Variants in MAP3K8 observed in about 807,000 individuals in gnomAD.
MAP3K8 encodes the protein mitogen-activated protein kinase kinase kinase 8, also known as Ewing sarcoma transformant.
Under a neutral mutation model 45.8 loss-of-function variants are expected in MAP3K8, and 22 were observed. The observed-to-expected ratio is 0.48, with a 90% CI of 0.34 to 0.69. The LOEUF (loss-of-function observed/expected upper bound fraction) is 0.69. Among genes scored for constraint, MAP3K8 ranks in the 30% least tolerant of loss-of-function variants. The pLI, the probability that MAP3K8 is intolerant of heterozygous loss-of-function variation, is 0.01. For missense variants in MAP3K8, 419 were observed against 585.0 expected (o/e 0.72, Z 2.93); for synonymous variants, 223 against 214.3 (o/e 1.04, Z -0.36).
At chr10:30,451,087 C>A (rs2132814835) in intron 5 of MAP3K8, among the ~76,000 whole-genome samples, 1 of 147,524 alleles carries the variant, frequency 6.8e-6, no homozygotes, top group African/African-American at 2.5e-5. Context: ...GAGCAAAACT[C>A]CGTCTCAAAA....
At chr10:30,458,269 G>T in intron 7 of MAP3K8, 33 bp downstream of exon 7, 5 of 1,189,376 alleles carry the variant, frequency 4.2e-6, no homozygotes, top group Non-Finnish European at 5.4e-6. Context: ...TGGGGGCGGC[G>T]GGGGGGGGCG....
At chr10:30,440,664 A>C (rs1327537224) in intron 3 of MAP3K8, among the ~76,000 whole-genome samples, 2 of 152,214 alleles carry the variant, frequency 1.3e-5, no homozygotes, top group African/African-American at 4.8e-5. Flanking sequence ...TTGAACTAGA[A>C]GCCATATCTG....
At chr10:30,446,913 T>A (rs533868411) in intron 3 of MAP3K8, among the ~76,000 whole-genome samples, 3 of 152,132 alleles carry the variant, frequency 2.0e-5, no homozygotes, top group African/African-American at 7.2e-5. Flanking sequence ...AAATTTATAT[T>A]GTGTTTTTAT....
intron 3 of MAP3K8, among the ~76,000 whole-genome samples, chr10:30,443,006 C>T (rs897371809): frequency 1.3e-5 from 2 of 152,142 alleles, no homozygotes; most frequent in African/African-American, 4.8e-5. Flanking sequence ...ACAAAGTTTC[C>T]TATTTGTCCA....
chr10:30,444,612 C>CA (rs1333410351), intron 3 of MAP3K8, among the ~76,000 whole-genome samples: 1 of 152,158 alleles, frequency 6.6e-6, no homozygotes, highest in Non-Finnish European at 1.5e-5. Flanking sequence ...TAGGAGAACT[C>CA]ATAGGCATTG....
intron 5 of MAP3K8, 64 bp downstream of exon 5, chr10:30,450,583 G>T: frequency 1.3e-6 from 2 of 1,481,840 alleles, no homozygotes; most frequent in Non-Finnish European, 9.4e-7. Flanking sequence ...AGACAAACAA[G>T]CTCCTTCCTG....
rs575839616 is a variant in MAP3K8, at chr10:30,449,523, A to T, written c.505-735A>T. Among the ~76,000 whole-genome samples the T allele has an allele frequency of 5.3e-5, 8 of 152,352 alleles. No homozygotes were observed. The South Asian group carries it at 1.7e-3, about 32-fold the overall frequency. ...TTTTTTGTATGTCTGTTTTACTTTA[A>T]TTAAATTTTCAAAAGTATAACAAAA... On this transcript the variant is annotated intron_variant, in intron 4 of 8. Coordinates refer to ENST00000263056, the MANE Select transcript of MAP3K8 (RefSeq NM_005204.4).
intron 6 of MAP3K8, among the ~76,000 whole-genome samples, chr10:30,456,274 A>C (rs1390275469): frequency 2.0e-5 from 3 of 152,232 alleles, no homozygotes; most frequent in Non-Finnish European, 4.4e-5. Flanking sequence ...TGTTGACTAT[A>C]GGTACAATGT....
At chr10:30,434,674 G>A (rs1374959904) in intron 1 of MAP3K8, 23 of 985,418 alleles carry the variant, frequency 2.3e-5, no homozygotes, top group East Asian at 1.1e-4. Context: ...GCGCGGGGAA[G>A]CGGGGACCCG....
chr10:30,450,987 GAGGCTGAGGC>G (rs1836518531), intron 5 of MAP3K8, among the ~76,000 whole-genome samples: 1 of 151,036 alleles, frequency 6.6e-6, no homozygotes. Flanking sequence ...AGCTACTTGG[GAGGCTGAGGC>G]AGGGGAATCA....
At position 30,458,156 on chromosome 10, in the gene MAP3K8, A is replaced by T. The variant is rs919957360; in HGVS notation, c.946A>T (p.Thr316Ser). 1 of 1,594,832 alleles carries T rather than the reference A, an allele frequency of 6.3e-7. No homozygotes were observed. The highest frequency in any genetic ancestry group is 8.5e-7 in the Non-Finnish European group (1 of 1,170,292). The change falls in exon 7 of 9, where the codon ACG becomes TCG. Residue 316 changes from threonine to serine, a missense_variant. Thr to Ser is a moderately conservative substitution (Grantham distance 58). Transcript: ENST00000263056. ...AGCAGACATCTACAGCCTGGGGGCC[A>T]CGCTCATCCACATGCAGACGGGCAC... ...TKADIYSLGA[T>S]LIHMQTGTPP...
intron 3 of MAP3K8, among the ~76,000 whole-genome samples, chr10:30,446,534 C>CAA (rs5784199): frequency 4.6e-4 from 41 of 89,230 alleles, no homozygotes; most frequent in Non-Finnish European, 7.0e-4. Context: ...GACTCCATCT[C>CAA]AAAAAAAAAA....
At chr10:30,459,089 A>G (rs1302103858) in intron 7 of MAP3K8, among the ~76,000 whole-genome samples, 166 bp from the exon 8 acceptor site, 1 of 152,186 alleles carries the variant, frequency 6.6e-6, no homozygotes, top group Admixed American at 6.5e-5. Context: ...AAAGGAAAAG[A>G]AAAAAGAAAT....
intron 4 of MAP3K8, among the ~76,000 whole-genome samples, chr10:30,448,307 G>A (rs972533549): frequency 1.3e-5 from 2 of 152,184 alleles, no homozygotes; most frequent in Admixed American, 1.3e-4. Context: ...CCACTGCAGA[G>A]GGGGCCAGGC....
intron 1 of MAP3K8, among the ~76,000 whole-genome samples, chr10:30,436,577 A>G (rs910414659): frequency 1.3e-5 from 2 of 151,958 alleles, no homozygotes; most frequent in Non-Finnish European, 2.9e-5. Flanking sequence ...GGGTTTAAAA[A>G]CTAACATCTT....
Position 30,434,309 on chromosome 10 carries a change from A to T in MAP3K8, c.-324A>T. On this transcript the variant is annotated 5_prime_UTR_variant, in exon 1 of 9. Coordinates refer to ENST00000263056, the MANE Select transcript of MAP3K8 (RefSeq NM_005204.4). ...GCTCGGCTCCCACAGGCCTGCAGCC[A>T]GCATCGCACCGAACCTTCGGGGGGC... 1 of 286,614 alleles carries T rather than the reference A, an allele frequency of 3.5e-6. No homozygotes were observed. Among genetic ancestry groups the T allele is most frequent in the African/African-American group, 2.3e-5 (1 of 44,152 alleles). The allele number at this position is 286,614 out of a possible 1,614,324, so 17.8% of individuals were successfully genotyped here. A position where few individuals can be genotyped will look rare whatever the true frequency, so the allele number is the denominator to read the frequency against.
At chr10:30,444,031 A>C (rs1836217053) in intron 3 of MAP3K8, among the ~76,000 whole-genome samples, 1 of 151,852 alleles carries the variant, frequency 6.6e-6, no homozygotes, top group Non-Finnish European at 1.5e-5. Context: ...TCCACAAAAA[A>C]ATAAAAAAGT....
chr10:30,459,235 G>A lies in MAP3K8; in HGVS notation c.1027-20G>A. 6.2e-7 allele frequency: 1 copy of A among 1,613,836 alleles called. No homozygotes were observed. The highest frequency in any genetic ancestry group is 8.5e-7 in the Non-Finnish European group (1 of 1,179,914). ...TGTATCACCATACCTTTGATGCTAA[G>A]AGAGCTGGTTTGTTGATAGATCCAC... On this transcript the variant is annotated intron_variant, in intron 7 of 8. Coordinates refer to ENST00000263056, the MANE Select transcript of MAP3K8 (RefSeq NM_005204.4).
At chr10:30,452,316 A>G (rs890086875) in intron 6 of MAP3K8, among the ~76,000 whole-genome samples, 1 of 152,014 alleles carries the variant, frequency 6.6e-6, no homozygotes, top group African/African-American at 2.4e-5. Context: ...CTAAAAATAC[A>G]AAATTAACCA....
Sources: gnomAD v4.1 joint callset for allele counts (sites outside exome capture counted in the v4.1 genomes callset) on GRCh38, gnomAD v4.1.1 for gene constraint, MANE v1.5 for transcripts, NCBI Gene and HGNC (gene_info 2026-07-23, HGNC 2026-07-21) for gene names.